The following MTMR14 variants were observed in gnomAD, a reference collection of about 807,000 sequenced individuals.
The protein encoded by MTMR14 is myotubularin related protein 14, also known as phosphatidylinositol-3,5-bisphosphate 3-phosphatase MTMR14.
In MTMR14, 48 loss-of-function variants were observed where a neutral mutation model predicts 86.3. The ratio of observed to expected loss-of-function variants is 0.56; its 90% CI spans 0.44 to 0.71. MTMR14 has a LOEUF of 0.71. Among genes scored for constraint, MTMR14 ranks in the 30% least tolerant of loss-of-function variants. MTMR14 has a pLI of 0.00. For synonymous variants in MTMR14, 366 were observed against 326.1 expected (o/e 1.12, Z -1.32); for missense variants, 780 against 834.6 (o/e 0.93, Z 0.81).
intron 2 of MTMR14, chr3:9,659,599 A>G (rs994033103): frequency 2.4e-6 from 1 of 415,838 alleles, no homozygotes; most frequent in Non-Finnish European, 4.8e-6. Flanking sequence ...GCGTGCTGCC[A>G]CGCCTGTCTA....
At chr3:9,680,132 A>T (rs960274926) in intron 9 of MTMR14, among the ~76,000 whole-genome samples, 3 of 152,164 alleles carry the variant, frequency 2.0e-5, no homozygotes, top group African/African-American at 7.2e-5. Context: ...GCGGCCCCTC[A>T]GACTCAAGCT....
Position 9,670,994 on chromosome 3 carries a change from A to G in MTMR14, c.555-54A>G. On this transcript the variant is annotated intron_variant, in intron 5 of 18. Transcript: ENST00000296003. ...TTCCCTGAATGAGTGCCCACCCCCA[A>G]GCTCCTGTGAGTGAACATGCCATGT... The G allele has an allele frequency of 2.5e-6, 4 of 1,612,082 alleles. No individual in the cohort carries two copies. In the Admixed American group the frequency reaches 5.0e-5, roughly 20 times the overall value.
chr3:9,685,632 C>T (rs1025367893), intron 13 of MTMR14, among the ~76,000 whole-genome samples: 3 of 152,170 alleles, frequency 2.0e-5, no homozygotes, highest in Non-Finnish European at 4.4e-5. Flanking sequence ...TCTTCCCCAC[C>T]CTCCCGTCAC....
At chr3:9,656,653 A>G (rs1277122567) in intron 2 of MTMR14, among the ~76,000 whole-genome samples, 1 of 152,174 alleles carries the variant, frequency 6.6e-6, no homozygotes, top group African/African-American at 2.4e-5. Flanking sequence ...TCCTGGGCTC[A>G]AACAATCCGC....
intron 3 of MTMR14, among the ~76,000 whole-genome samples, chr3:9,666,554 A>C (rs757515735): frequency 6.6e-6 from 1 of 152,250 alleles, no homozygotes; most frequent in Non-Finnish European, 1.5e-5. Flanking sequence ...ATGTTGACAT[A>C]ATGTCTTGGA....
intron 7 of MTMR14, among the ~76,000 whole-genome samples, chr3:9,675,189 A>G (rs772111841): frequency 6.6e-6 from 1 of 152,186 alleles, no homozygotes; most frequent in Non-Finnish European, 1.5e-5. Flanking sequence ...CTGACAGTGT[A>G]TGTGTGTTAG....
chr3:9,670,917 A>G (rs2048533546), intron 5 of MTMR14, 131 bp from the exon 6 acceptor site: 1 of 1,166,478 alleles, frequency 8.6e-7, no homozygotes, highest in African/African-American at 1.5e-5. Context: ...TTTGGCACCC[A>G]TGCGTCCACC....
intron 9 of MTMR14, among the ~76,000 whole-genome samples, chr3:9,681,902 T>C (rs950655580): frequency 5.3e-5 from 8 of 152,118 alleles, no homozygotes; most frequent in Non-Finnish European, 1.0e-4. Context: ...TGCCCCAGCC[T>C]TGGGAACTTG....
chr3:9,684,700 T>C (rs990331331), intron 11 of MTMR14, 30 bp downstream of exon 11: 1 of 1,611,648 alleles, frequency 6.2e-7, no homozygotes, highest in African/African-American at 1.3e-5. Context: ...TACCAAGCTC[T>C]GCTCTTTGGG....
chr3:9,662,134 T>G (rs749361798), intron 2 of MTMR14, 133 bp from the exon 3 acceptor site: 4 of 708,130 alleles, frequency 5.6e-6, no homozygotes, highest in Admixed American at 4.2e-5. Flanking sequence ...GATATAAAAT[T>G]TAGGAATGAC....
At chr3:9,664,110 A>G (rs1273832416) in intron 3 of MTMR14, among the ~76,000 whole-genome samples, 1 of 151,846 alleles carries the variant, frequency 6.6e-6, no homozygotes, top group Non-Finnish European at 1.5e-5. Flanking sequence ...TTGAAAGAGT[A>G]CCACCCTGTG....
intron 2 of MTMR14, among the ~76,000 whole-genome samples, chr3:9,659,016 T>G (rs2125012825): frequency 6.6e-6 from 1 of 152,158 alleles, no homozygotes; most frequent in South Asian, 2.1e-4. Flanking sequence ...ATAGACTGAA[T>G]AAAAAACAGA....
intron 10 of MTMR14, chr3:9,683,518 C>T (rs979169382): frequency 6.1e-5 from 26 of 429,572 alleles, no homozygotes; most frequent in African/African-American, 4.6e-4. Flanking sequence ...CATTGCACAA[C>T]AGCATTGTGT....
intron 4 of MTMR14, 130 bp downstream of exon 4, chr3:9,668,924 G>A (rs1235008003): frequency 1.1e-6 from 1 of 942,780 alleles, no homozygotes; most frequent in Non-Finnish European, 1.7e-6. Context: ...CGGATCCCGA[G>A]GTCAGGAGTT....
chr3:9,656,058 G>C (rs1354746008), intron 2 of MTMR14, among the ~76,000 whole-genome samples: 1 of 152,054 alleles, frequency 6.6e-6, no homozygotes, highest in Non-Finnish European at 1.5e-5. Context: ...AGCTGGGTGT[G>C]GTGGCGCACG....
chr3:9,678,328 C>T (rs2075651570), intron 9 of MTMR14, among the ~76,000 whole-genome samples: 1 of 152,182 alleles, frequency 6.6e-6, no homozygotes, highest in African/African-American at 2.4e-5. Context: ...TCCAGAGGAC[C>T]TCATAGAGTC....
intron 17 of MTMR14, 109 bp from the exon 18 acceptor site, chr3:9,697,602 C>T (rs758924259): frequency 9.7e-5 from 124 of 1,277,186 alleles, no homozygotes; most frequent in Non-Finnish European, 1.3e-4. Flanking sequence ...CAGTGATTGA[C>T]AACAGAACCT....
At chr3:9,664,087 C>T (rs2048111220) in intron 3 of MTMR14, among the ~76,000 whole-genome samples, 1 of 151,906 alleles carries the variant, frequency 6.6e-6, no homozygotes, top group Non-Finnish European at 1.5e-5. Context: ...CCACGCCTGG[C>T]CTGCAACTTC....
At chr3:9,664,773 A>AG (rs2048153717) in intron 3 of MTMR14, among the ~76,000 whole-genome samples, 2 of 152,180 alleles carry the variant, frequency 1.3e-5, no homozygotes, top group Admixed American at 1.3e-4. Flanking sequence ...GACAGGAACA[A>AG]GGGGGAGGAG....
Sources: gnomAD v4.1 joint callset for allele counts (sites outside exome capture counted in the v4.1 genomes callset) on GRCh38, gnomAD v4.1.1 for gene constraint, MANE v1.5 for transcripts, NCBI Gene and HGNC (gene_info 2026-07-23, HGNC 2026-07-21) for gene names.